Variants in MYO3B observed in about 807,000 individuals in gnomAD.
MYO3B encodes the protein myosin IIIB, also known as myosin-IIIb.
A neutral mutation model predicts 174.6 loss-of-function variants in MYO3B; 156 were observed. The observed-to-expected ratio is 0.89, with a 90% CI of 0.78 to 1.02. MYO3B has a LOEUF of 1.02. Ranked by LOEUF, MYO3B falls within the 50% of genes least tolerant of loss-of-function variation. The pLI is 0.00. For missense variants in MYO3B, 1,632 were observed against 1,639.4 expected (o/e 1.00, Z 0.08); for synonymous variants, 563 against 569.1 (o/e 0.99, Z 0.15).
chr2:170,502,436 T>TGGCTATCA (rs1341697727), intron 28 of MYO3B, among the ~76,000 whole-genome samples: 1 of 152,236 alleles, frequency 6.6e-6, no homozygotes, highest in Non-Finnish European at 1.5e-5. Context: ...GGCTTATATG[T>TGGCTATCA]GGCTATCATG....
intron 32 of MYO3B, among the ~76,000 whole-genome samples, chr2:170,559,785 A>G (rs1251190045): frequency 1.3e-5 from 2 of 151,882 alleles, no homozygotes; most frequent in Non-Finnish European, 2.9e-5. Context: ...ACTGCCCACC[A>G]CCATCACCCC....
intron 32 of MYO3B, among the ~76,000 whole-genome samples, chr2:170,629,142 G>C (rs1007839973): frequency 2.6e-5 from 4 of 152,234 alleles, no homozygotes; most frequent in Admixed American, 2.0e-4. Context: ...CACTGTCTCA[G>C]ACAGGCTGGC....
chr2:170,358,717 A>T (rs1533587), intron 8 of MYO3B, among the ~76,000 whole-genome samples: 2 of 152,036 alleles, frequency 1.3e-5, no homozygotes, highest in African/African-American at 2.4e-5. Context: ...TATAGTTGCA[A>T]CCACTCATTT....
intron 7 of MYO3B, among the ~76,000 whole-genome samples, chr2:170,253,191 A>T (rs1187224377): frequency 6.6e-6 from 1 of 152,158 alleles, no homozygotes; most frequent in Non-Finnish European, 1.5e-5. Flanking sequence ...TAAGTAAGGG[A>T]TAATGGCAGC....
chr2:170,574,531 T>C (rs1692666063), intron 32 of MYO3B, among the ~76,000 whole-genome samples: 1 of 152,130 alleles, frequency 6.6e-6, no homozygotes, highest in Non-Finnish European at 1.5e-5. Context: ...AATAAGAATA[T>C]TAATACTGTA....
chr2:170,555,691 G>A (rs1691236771), intron 32 of MYO3B, among the ~76,000 whole-genome samples: 1 of 151,286 alleles, frequency 6.6e-6, no homozygotes, highest in Admixed American at 6.6e-5. Flanking sequence ...GGACAACACA[G>A]CAACACCCTG....
At chr2:170,473,080 A>C (rs1207754712) in intron 25 of MYO3B, among the ~76,000 whole-genome samples, 1 of 150,342 alleles carries the variant, frequency 6.7e-6, no homozygotes, top group African/African-American at 2.4e-5. Flanking sequence ...GTTGAGTTGA[A>C]TCAAACTCTT....
chr2:170,514,998 T>C lies in MYO3B; in HGVS notation c.3448T>C (p.Cys1150Arg), dbSNP rs201488483. Residue 1150 changes from cysteine to arginine, a missense_variant, in exon 29 of 35, where the codon TGC (cysteine) becomes CGC (arginine). Transcript: ENST00000408978. ...GAGGGGAAGTGCCGAGGTTCAAGAC[T>C]GCAGCGAGCCTGGTGACCATAAAGG... ...GTRGSAEVQD[C>R]SEPGDHKVLR... is the part of the protein sequence containing the mutation. 1 of 1,614,062 alleles carries C rather than the reference T, an allele frequency of 6.2e-7. No individual in the cohort carries two copies. The highest frequency in any genetic ancestry group is 8.5e-7 in the Non-Finnish European group (1 of 1,179,948).
chr2:170,427,710 A>G (rs1300627004), intron 22 of MYO3B, among the ~76,000 whole-genome samples: 1 of 152,210 alleles, frequency 6.6e-6, no homozygotes, highest in African/African-American at 2.4e-5. Flanking sequence ...ATACATATAC[A>G]TGGATGTTTA....
At chr2:170,552,742 T>C (rs1364960265) in intron 32 of MYO3B, among the ~76,000 whole-genome samples, 1 of 152,046 alleles carries the variant, frequency 6.6e-6, no homozygotes, top group East Asian at 1.9e-4. Context: ...GCCAAAACAA[T>C]GGAAAAAAAC....
intron 7 of MYO3B, among the ~76,000 whole-genome samples, chr2:170,322,436 A>T (rs766133108): frequency 1.3e-5 from 2 of 152,182 alleles, no homozygotes; most frequent in Non-Finnish European, 2.9e-5. Flanking sequence ...TTCAGTAGCA[A>T]TTATTGCAAT....
chr2:170,245,494 A>G (rs1357368053), intron 7 of MYO3B, among the ~76,000 whole-genome samples: 4 of 152,214 alleles, frequency 2.6e-5, no homozygotes, highest in Admixed American at 1.3e-4. Context: ...CAAAACTGCC[A>G]TAAGGGAGTC....
At chr2:170,335,213 A>G (rs1227207522) in intron 7 of MYO3B, among the ~76,000 whole-genome samples, 172 bp from the exon 8 acceptor site, 2 of 152,206 alleles carry the variant, frequency 1.3e-5, no homozygotes, top group African/African-American at 4.8e-5. Context: ...AAAATGAATG[A>G]CTACAGGAAT....
At chr2:170,403,086 A>C (rs753466365) in intron 19 of MYO3B, 91 bp downstream of exon 19, 45 of 1,281,118 alleles carry the variant, frequency 3.5e-5, no homozygotes, top group Non-Finnish European at 4.8e-5. Flanking sequence ...GTAGACTAAC[A>C]ACTAAAAGAC....
chr2:170,504,532 A>G (rs1687497673), intron 28 of MYO3B, among the ~76,000 whole-genome samples: 1 of 152,202 alleles, frequency 6.6e-6, no homozygotes, highest in Non-Finnish European at 1.5e-5. Flanking sequence ...CATACCAGAA[A>G]CAAGATGCCT....
chr2:170,314,898 C>T (rs1464608088), intron 7 of MYO3B, among the ~76,000 whole-genome samples: 1 of 152,202 alleles, frequency 6.6e-6, no homozygotes, highest in Non-Finnish European at 1.5e-5. Flanking sequence ...CAGCATTACT[C>T]AGTTTTGTGC....
chr2:170,356,333 G>A (rs1226406933), intron 8 of MYO3B, among the ~76,000 whole-genome samples: 2 of 151,916 alleles, frequency 1.3e-5, no homozygotes, highest in Non-Finnish European at 2.9e-5. Context: ...ATTTACTAGA[G>A]AGTGATAATA....
chr2:170,233,470 C>T (rs1183717474), intron 6 of MYO3B, among the ~76,000 whole-genome samples: 2 of 152,140 alleles, frequency 1.3e-5, no homozygotes. Flanking sequence ...TGTTGAATAG[C>T]CTTCTCTAGG....
chr2:170,388,744 G>A lies in MYO3B; in HGVS notation c.1577+1436G>A, dbSNP rs186807664. 2.8e-4 allele frequency among the ~76,000 whole-genome samples: 43 copies of A among 152,332 alleles called. No individual in the cohort carries two copies. The East Asian group carries it at 7.5e-3, about 27-fold the overall frequency. On this transcript the variant is annotated intron_variant, in intron 14 of 34. Coordinates refer to ENST00000408978, the MANE Select transcript of MYO3B (RefSeq NM_138995.5). ...GACTAAGGCGGTGGCAGTGGAGATG[G>A]AGAGAAGATGAGGAGTCTGAGAGAT...
Sources: gnomAD v4.1 joint callset for allele counts (sites outside exome capture counted in the v4.1 genomes callset) on GRCh38, gnomAD v4.1.1 for gene constraint, MANE v1.5 for transcripts, NCBI Gene and HGNC (gene_info 2026-07-23, HGNC 2026-07-21) for gene names.